GAP43: variants seen among roughly 807,000 people sequenced by gnomAD.
GAP43 encodes the protein neuromodulin.
In GAP43, 6 loss-of-function variants were observed where a neutral mutation model predicts 18.6. The ratio of observed to expected loss-of-function variants is 0.32; its 90% CI spans 0.18 to 0.64. GAP43 has a LOEUF of 0.64. GAP43 is among the 30% of genes least tolerant of loss of function. GAP43 has a pLI of 0.78. For synonymous variants in GAP43, 115 were observed against 111.4 expected, an observed-to-expected ratio of 1.03 and a Z score of -0.20; for missense variants, 292 against 295.5, an observed-to-expected ratio of 0.99 and a Z score of 0.09.
intron 1 of GAP43, among the ~76,000 whole-genome samples, chr3:115,627,042 CTT>C (rs36058685): frequency 1.5e-5 from 2 of 129,206 alleles, no homozygotes; most frequent in Non-Finnish European, 1.7e-5. Flanking sequence ...GCTTCTCGTT[CTT>C]TTTTTTTTTT....
rs1708142590 is a variant in GAP43 at position 115,623,636 on chromosome 3, AAGAG to A, written c.-48_-45del. 1.2e-6 allele frequency: 2 copies of A among 1,609,066 alleles called. No individual in the cohort carries two copies. Among genetic ancestry groups the A allele is most frequent in the African/African-American group, 1.3e-5 (1 of 74,872 alleles). On this transcript the variant is annotated 5_prime_UTR_variant, in exon 1 of 3. Transcript: ENST00000305124. ...AGAGGTGGAGAGGGGGGGAATAAGA[AAGAG>A]AGAGAAGGAAAGGAGAGAAGGCAGG...
intron 2 of GAP43, among the ~76,000 whole-genome samples, chr3:115,696,037 T>C (rs1709184715): frequency 6.6e-6 from 1 of 152,170 alleles, no homozygotes; most frequent in Non-Finnish European, 1.5e-5. Flanking sequence ...TGTCTTCTCC[T>C]CTTTTCTCTT....
chr3:115,670,780 G>A (rs1708807342), intron 1 of GAP43, among the ~76,000 whole-genome samples: 1 of 152,096 alleles, frequency 6.6e-6, no homozygotes, highest in Admixed American at 6.5e-5. Context: ...ACAGGCTGTA[G>A]AAGATTCTGA....
chr3:115,704,950 G>T (rs1709342230), intron 2 of GAP43, among the ~76,000 whole-genome samples: 1 of 152,128 alleles, frequency 6.6e-6, no homozygotes, highest in Non-Finnish European at 1.5e-5. Flanking sequence ...GGTATATACA[G>T]ATTTTGTATT....
At chr3:115,634,167 G>GA (rs1242917233) in intron 1 of GAP43, among the ~76,000 whole-genome samples, 4 of 151,894 alleles carry the variant, frequency 2.6e-5, no homozygotes, top group South Asian at 2.1e-4. Context: ...ATGAGGCAAA[G>GA]AAAAAAAATA....
At chr3:115,690,133 G>T (rs1410391587) in intron 2 of GAP43, among the ~76,000 whole-genome samples, 1 of 152,238 alleles carries the variant, frequency 6.6e-6, no homozygotes, top group Non-Finnish European at 1.5e-5. Context: ...CAAACAGCAG[G>T]CCCTAAAGGG....
chr3:115,629,323 T>C (rs77944620), intron 1 of GAP43, among the ~76,000 whole-genome samples: 9,105 of 152,192 alleles, frequency 0.06, 301 homozygotes, highest in Middle Eastern at 0.079. Context: ...TTATTTTCTT[T>C]GTTAAAATAT....
intron 1 of GAP43, among the ~76,000 whole-genome samples, chr3:115,672,979 C>T (rs1456578164): frequency 6.6e-6 from 1 of 152,038 alleles, no homozygotes; most frequent in African/African-American, 2.4e-5. Context: ...GGGTACCTGG[C>T]TCTTATAAGA....
At chr3:115,708,087 T>C (rs937227899) in intron 2 of GAP43, among the ~76,000 whole-genome samples, 2 of 152,166 alleles carry the variant, frequency 1.3e-5, no homozygotes, top group Admixed American at 6.5e-5. Context: ...TTCTAGGTAC[T>C]TGGTATTCAC....
chr3:115,654,025 A>G (rs564977922), intron 1 of GAP43, among the ~76,000 whole-genome samples: 10 of 152,280 alleles, frequency 6.6e-5, no homozygotes, highest in African/African-American at 2.4e-4. Context: ...TCCACTGTCT[A>G]TAGGCATTTA....
intron 1 of GAP43, among the ~76,000 whole-genome samples, chr3:115,657,353 A>G (rs1214632216): frequency 6.6e-6 from 1 of 152,248 alleles, no homozygotes; most frequent in Non-Finnish European, 1.5e-5. Flanking sequence ...ATTTTGTTCA[A>G]CTACCCATAG....
intron 2 of GAP43, among the ~76,000 whole-genome samples, chr3:115,698,847 G>A (rs769769353): frequency 9.2e-5 from 14 of 152,066 alleles, no homozygotes; most frequent in Non-Finnish European, 7.4e-5. Context: ...CCCTAAACTG[G>A]TAATCCTTCA....
intron 2 of GAP43, among the ~76,000 whole-genome samples, chr3:115,700,861 A>G (rs773974411): frequency 1.3e-5 from 2 of 152,152 alleles, no homozygotes; most frequent in Non-Finnish European, 2.9e-5. Flanking sequence ...CAGGGCACAG[A>G]TGAGTTTATA....
chr3:115,629,916 G>A (rs1040825038), intron 1 of GAP43, among the ~76,000 whole-genome samples: 66 of 152,268 alleles, frequency 4.3e-4, no homozygotes, highest in African/African-American at 1.4e-3. Flanking sequence ...AGTGATTCTT[G>A]TTATTCACTT....
chr3:115,670,432 T>C (rs917272511), intron 1 of GAP43, among the ~76,000 whole-genome samples: 13 of 152,154 alleles, frequency 8.5e-5, no homozygotes, highest in African/African-American at 2.9e-4. Context: ...GACACTTTCT[T>C]CCTTACACCT....
At chr3:115,641,411 TA>T (rs1488459770) in intron 1 of GAP43, among the ~76,000 whole-genome samples, 7 of 151,118 alleles carry the variant, frequency 4.6e-5, no homozygotes, top group Non-Finnish European at 8.8e-5. Flanking sequence ...CATACACACA[TA>T]GGGGTGTGCA....
intron 2 of GAP43, among the ~76,000 whole-genome samples, chr3:115,685,419 AG>A (rs1709020306): frequency 6.6e-6 from 1 of 152,188 alleles, no homozygotes; most frequent in Admixed American, 6.5e-5. Flanking sequence ...AATCTTTGCA[AG>A]GTGTGTAAGA....
At chr3:115,661,088 C>A (rs140419239) in intron 1 of GAP43, 1 of 152,234 alleles carries the variant, frequency 6.6e-6, no homozygotes, top group East Asian at 1.9e-4. Flanking sequence ...CAAAATGTTT[C>A]TTTCACACAT....
At position 115,684,744 on chromosome 3, in the gene GAP43, G is replaced by A. The variant is rs77384497; in HGVS notation, c.628+8134G>A. ...AGGAGAGTTAAGAGTTGGGATTAAAGCTATCTACGATGAAATTTATAGTGC... is the reference window on the plus strand; with the variant it reads ...AGGAGAGTTAAGAGTTGGGATTAAAACTATCTACGATGAAATTTATAGTGC... On this transcript the variant is annotated intron_variant, in intron 2 of 2. Transcript: ENST00000305124. Among the ~76,000 whole-genome samples, 1,384 of 152,266 alleles carry A rather than the reference G, an allele frequency of 9.1e-3. 24 individuals carry two copies. The highest frequency in any genetic ancestry group is 0.03 in the African/African-American group (1,261 of 41,528).
Sources: gnomAD v4.1 joint callset for allele counts (sites outside exome capture counted in the v4.1 genomes callset) on GRCh38, gnomAD v4.1.1 for gene constraint, MANE v1.5 for transcripts, NCBI Gene and HGNC (gene_info 2026-07-23, HGNC 2026-07-21) for gene names.